The following TMEM229B variants were observed in gnomAD, a reference collection of about 807,000 sequenced individuals.
TMEM229B encodes transmembrane protein 229B, also known as chromosome 14 open reading frame 83.
Under a neutral mutation model 13.7 loss-of-function variants are expected in TMEM229B, and 6 were observed. That is an observed-to-expected ratio of 0.44 (90% CI 0.24 to 0.86). The LOEUF is 0.86. Among genes scored for constraint, TMEM229B ranks in the 40% least tolerant of loss-of-function variants. The pLI is 0.23. For synonymous variants in TMEM229B, 107 were observed against 102.1 expected (o/e 1.05, Z -0.29); for missense variants, 170 against 236.0 (o/e 0.72, Z 1.83).
At chr14:67,491,650 T>C (rs982579054), upstream of TMEM229B, among the ~76,000 whole-genome samples, 5 of 152,306 alleles carry the variant, frequency 3.3e-5, no homozygotes, top group African/African-American at 1.2e-4. Flanking sequence ...GTAGAGAAGA[T>C]GCCTAAAGGC....
At chr14:67,525,354 C>T (rs1021498766) in intron 1 of TMEM229B, among the ~76,000 whole-genome samples, 4 of 152,158 alleles carry the variant, frequency 2.6e-5, no homozygotes, top group Admixed American at 2.0e-4. Flanking sequence ...AAATATAATT[C>T]TTCATCATAC....
chr14:67,476,101 C>T (rs1315730), intron 2 of TMEM229B, among the ~76,000 whole-genome samples: 5,683 of 152,286 alleles, frequency 0.037, 114 homozygotes, highest in Middle Eastern at 0.051. Flanking sequence ...ACATCTCTGT[C>T]GATCCCCTCT....
At chr14:67,517,994 G>T (rs1043461159), upstream of TMEM229B, among the ~76,000 whole-genome samples, 1 of 152,106 alleles carries the variant, frequency 6.6e-6, no homozygotes, top group Non-Finnish European at 1.5e-5. Context: ...ACAGTAAGGG[G>T]CCCCCCTGGC....
rs1482485103 is a variant in TMEM229B, at chr14:67,471,149, C to A, written c.*2271G>T. ...GGATGTTGCCAGGCACACAGGCATA[C>A]CCCCAGGACCTCCTGCACTTGGGAA... On this transcript the variant is annotated 3_prime_UTR_variant, in exon 3 of 3. Transcript: ENST00000554480. The A allele has an allele frequency of 6.6e-6, 1 of 152,204 alleles. No individual in the cohort carries two copies. Among genetic ancestry groups the A allele is most frequent in the African/African-American group, 2.4e-5 (1 of 41,414 alleles). The allele number at this position is 152,204 out of a possible 1,614,324, so 9.4% of individuals were successfully genotyped here. A position where few individuals can be genotyped will look rare whatever the true frequency, so the allele number is the denominator to read the frequency against.
At chr14:67,522,050 T>A (rs1013338515) in intron 1 of TMEM229B, among the ~76,000 whole-genome samples, 3 of 152,248 alleles carry the variant, frequency 2.0e-5, no homozygotes, top group African/African-American at 7.2e-5. Context: ...GGAGCGTGCC[T>A]GTTATCCCAG....
upstream of TMEM229B, among the ~76,000 whole-genome samples, chr14:67,518,353 A>C (rs1467883528): frequency 6.6e-6 from 1 of 152,242 alleles, no homozygotes; most frequent in Non-Finnish European, 1.5e-5. Flanking sequence ...TCTCATCTGC[A>C]AAATGGAAAT....
At chr14:67,506,666 G>GA (rs1269461828) in intron 1 of TMEM229B, among the ~76,000 whole-genome samples, 3 of 152,158 alleles carry the variant, frequency 2.0e-5, no homozygotes, top group African/African-American at 7.2e-5. Context: ...TAGAAGGAAT[G>GA]AAAGAATCCA....
intron 1 of TMEM229B, among the ~76,000 whole-genome samples, chr14:67,505,497 C>G (rs2032784836): frequency 6.6e-6 from 1 of 152,130 alleles, no homozygotes; most frequent in Non-Finnish European, 1.5e-5. Context: ...GCCTGCCTTC[C>G]CAGGTTCACT....
At chr14:67,474,994 C>A (rs1447872949) in intron 2 of TMEM229B, among the ~76,000 whole-genome samples, 1 of 148,256 alleles carries the variant, frequency 6.7e-6, no homozygotes, top group Non-Finnish European at 1.5e-5. Context: ...TGGCTCACTG[C>A]AACCTCCGCC....
At chr14:67,498,979 T>TTTTATTTATTTATTTA (rs10523208) in intron 1 of TMEM229B, among the ~76,000 whole-genome samples, 51,612 of 146,328 alleles carry the variant, frequency 0.35, 10,003 homozygotes, top group Admixed American at 0.47. Context: ...AAGGCAATGG[T>TTTTATTTATTTATTTA]TTTATTTATT....
intron 1 of TMEM229B, among the ~76,000 whole-genome samples, chr14:67,526,555 A>G (rs2033370471): frequency 6.6e-6 from 1 of 152,202 alleles, no homozygotes; most frequent in African/African-American, 2.4e-5. Context: ...CCTTCCCTGA[A>G]ACGACGCAAA....
At chr14:67,496,918 G>A (rs1020078296) in intron 1 of TMEM229B, among the ~76,000 whole-genome samples, 10 of 151,740 alleles carry the variant, frequency 6.6e-5, no homozygotes, top group South Asian at 2.1e-4. Flanking sequence ...CTGCCTCAGC[G>A]TCCTGAGTAG....
At chr14:67,477,923 A>C (rs545208474) in intron 2 of TMEM229B, among the ~76,000 whole-genome samples, 6 of 152,144 alleles carry the variant, frequency 3.9e-5, no homozygotes, top group Non-Finnish European at 7.3e-5. Context: ...CCACCCTAAC[A>C]TGAGTTCCTG....
chr14:67,532,991 A>G (rs1594728206), intron 1 of TMEM229B, among the ~76,000 whole-genome samples: 1 of 151,912 alleles, frequency 6.6e-6, no homozygotes, highest in African/African-American at 2.4e-5. Flanking sequence ...CGCCCGGGAC[A>G]CCCCGCCGCC....
At chr14:67,480,323 C>T (rs1202547842) in intron 2 of TMEM229B, among the ~76,000 whole-genome samples, 3 of 152,084 alleles carry the variant, frequency 2.0e-5, no homozygotes, top group Non-Finnish European at 4.4e-5. Flanking sequence ...AATCGGGTGG[C>T]AATAATAACC....
At chr14:67,484,265 G>C (rs2031750021) in intron 2 of TMEM229B, among the ~76,000 whole-genome samples, 1 of 152,190 alleles carries the variant, frequency 6.6e-6, no homozygotes, top group Non-Finnish European at 1.5e-5. Context: ...TCAGTGCCTA[G>C]AGTGGTGCCT....
chr14:67,532,808 G>T (rs1430413965), intron 1 of TMEM229B, among the ~76,000 whole-genome samples: 1 of 152,228 alleles, frequency 6.6e-6, no homozygotes, highest in Non-Finnish European at 1.5e-5. Flanking sequence ...ATATCCAGAC[G>T]TTACAGTTCC....
At chr14:67,500,573 ATT>A (rs529810754) in intron 1 of TMEM229B, among the ~76,000 whole-genome samples, 8 of 138,806 alleles carry the variant, frequency 5.8e-5, no homozygotes, top group Admixed American at 7.2e-5. Flanking sequence ...GTGCATTTGG[ATT>A]TTTTTTTTTT....
chr14:67,518,212 A>C (rs1398465235), upstream of TMEM229B, among the ~76,000 whole-genome samples: 1 of 152,194 alleles, frequency 6.6e-6, no homozygotes, highest in Non-Finnish European at 1.5e-5. Flanking sequence ...TTGTCAAAGC[A>C]AGAGGAGCGG....
Sources: allele counts gnomAD v4.1 joint callset (sites outside exome capture counted in the v4.1 genomes callset), GRCh38; gene constraint gnomAD v4.1.1; transcripts MANE v1.5; gene names NCBI Gene and HGNC (gene_info 2026-07-23, HGNC 2026-07-21).